TBC1D14: variants seen among roughly 807,000 people sequenced by gnomAD.
TBC1D14 encodes TBC1 domain family member 14.
A neutral mutation model predicts 79.0 loss-of-function variants in TBC1D14; 26 were observed. That is an observed-to-expected ratio of 0.33 (90% CI 0.24 to 0.46). The LOEUF is 0.46. TBC1D14 is among the 20% of genes least tolerant of loss of function. The pLI, the probability that TBC1D14 is intolerant of heterozygous loss-of-function variation, is 1.00. For synonymous variants in TBC1D14, 394 were observed against 349.9 expected (o/e 1.13, Z -1.40); for missense variants, 769 against 887.6 (o/e 0.87, Z 1.70).
At chr4:6,913,723 A>G (rs1577447379) in intron 1 of TBC1D14, among the ~76,000 whole-genome samples, 2 of 152,342 alleles carry the variant, frequency 1.3e-5, no homozygotes, top group East Asian at 3.8e-4. Flanking sequence ...ATATCTTCCT[A>G]ATGTATCATT....
intron 7 of TBC1D14, among the ~76,000 whole-genome samples, chr4:7,003,413 C>T (rs1307802980): frequency 6.6e-6 from 1 of 152,200 alleles, no homozygotes; most frequent in Non-Finnish European, 1.5e-5. Context: ...GTGGAAGTGC[C>T]ACCAGGTGCA....
At chr4:6,972,626 T>A (rs963144371) in intron 3 of TBC1D14, among the ~76,000 whole-genome samples, 1 of 152,208 alleles carries the variant, frequency 6.6e-6, no homozygotes, top group African/African-American at 2.4e-5. Flanking sequence ...TTGTTGAGGC[T>A]TTTAGCAGTC....
At chr4:6,949,607 C>T (rs113530256) in intron 2 of TBC1D14, among the ~76,000 whole-genome samples, 7 of 150,976 alleles carry the variant, frequency 4.6e-5, no homozygotes, top group Non-Finnish European at 8.9e-5. Context: ...CGCTTGAACC[C>T]GCGAGGCAGA....
At chr4:6,996,897 A>T (rs1471191944) in intron 5 of TBC1D14, 1 of 152,382 alleles carries the variant, frequency 6.6e-6, no homozygotes, top group Non-Finnish European at 1.5e-5. Flanking sequence ...CATCAACGAC[A>T]CGTATATTTC....
intron 1 of TBC1D14, among the ~76,000 whole-genome samples, chr4:6,921,443 G>A (rs1723850963): frequency 6.6e-6 from 1 of 152,098 alleles, no homozygotes; most frequent in Admixed American, 6.5e-5. Context: ...CTAGGCCGAA[G>A]CGATCCTCCT....
intron 3 of TBC1D14, chr4:6,987,126 T>TG: frequency 1.8e-6 from 2 of 1,098,070 alleles, no homozygotes; most frequent in Non-Finnish European, 2.2e-6. Context: ...CCCGCCCCCT[T>TG]GGGAGTCTCC....
chr4:7,016,686 C>G (rs1470515418), intron 12 of TBC1D14, among the ~76,000 whole-genome samples: 2 of 152,238 alleles, frequency 1.3e-5, no homozygotes, highest in African/African-American at 4.8e-5. Flanking sequence ...GACCCAGTAC[C>G]TAACCCTGAC....
Position 6,945,928 on chromosome 4 carries a change from T to A in TBC1D14, c.723-21376T>A, listed in dbSNP as rs150795958. Among the ~76,000 whole-genome samples the A allele has an allele frequency of 3.2e-3, 487 of 152,244 alleles. 1 individual carries two copies. Among genetic ancestry groups the A allele is most frequent in the African/African-American group, 0.011 (458 of 41,542 alleles). On this transcript the variant is annotated intron_variant, in intron 2 of 13. Coordinates refer to ENST00000409757, the MANE Select transcript of TBC1D14 (RefSeq NM_020773.3). ...AATATATGCATTCTCCCCTCAGAGA[T>A]TGATTTTCATTGGTTTGGGGTGAAA... is the stretch of plus-strand genomic sequence containing the variant.
At chr4:6,911,223 C>G (rs955551536) in intron 1 of TBC1D14, among the ~76,000 whole-genome samples, 1 of 152,182 alleles carries the variant, frequency 6.6e-6, no homozygotes, top group African/African-American at 2.4e-5. Context: ...ATTGTGGGCT[C>G]CGCAATCCTA....
intron 2 of TBC1D14, among the ~76,000 whole-genome samples, chr4:6,965,422 G>A (rs1009283136): frequency 6.6e-6 from 1 of 152,114 alleles, no homozygotes; most frequent in African/African-American, 2.4e-5. Context: ...TGTATAAATT[G>A]TCTCAGTCTG....
At chr4:6,971,601 G>A (rs1716234413) in intron 3 of TBC1D14, among the ~76,000 whole-genome samples, 1 of 151,128 alleles carries the variant, frequency 6.6e-6, no homozygotes, top group African/African-American at 2.4e-5. Context: ...TTCTTAACAG[G>A]GGAAACAAAA....
chr4:6,912,219 T>C (rs1168681335), intron 1 of TBC1D14, among the ~76,000 whole-genome samples: 1 of 151,898 alleles, frequency 6.6e-6, no homozygotes, highest in Admixed American at 6.6e-5. Flanking sequence ...TGAAACCCTG[T>C]CTATACTAAA....
intron 8 of TBC1D14, 85 bp from the exon 9 acceptor site, chr4:7,006,547 T>C: frequency 7.8e-7 from 1 of 1,281,760 alleles, no homozygotes; most frequent in Non-Finnish European, 1.1e-6. Flanking sequence ...TTTCCGTGTT[T>C]TGTTCTTGTA....
chr4:7,001,405 G>A, intron 7 of TBC1D14, 154 bp downstream of exon 7: 1 of 652,244 alleles, frequency 1.5e-6, no homozygotes, highest in Non-Finnish European at 2.7e-6. Flanking sequence ...AGGGGCAGTT[G>A]GGAGGCCTGG....
At chr4:6,928,494 G>C (rs1322046355) in intron 2 of TBC1D14, among the ~76,000 whole-genome samples, 1 of 152,198 alleles carries the variant, frequency 6.6e-6, no homozygotes, top group African/African-American at 2.4e-5. Context: ...GCGATCGCCA[G>C]TGTGTACTTG....
chr4:7,012,804 T>C (rs1032349929), intron 11 of TBC1D14, among the ~76,000 whole-genome samples: 12 of 152,206 alleles, frequency 7.9e-5, no homozygotes, highest in Admixed American at 7.2e-4. Flanking sequence ...GGTATGACTT[T>C]CATAATCAGG....
At chr4:6,986,383 A>C (rs1717825353) in intron 3 of TBC1D14, among the ~76,000 whole-genome samples, 2 of 152,216 alleles carry the variant, frequency 1.3e-5, no homozygotes, top group Non-Finnish European at 1.5e-5. Context: ...ATTATAGAAG[A>C]AGCTGCACCA....
intron 2 of TBC1D14, among the ~76,000 whole-genome samples, chr4:6,966,888 C>G (rs1202213807): frequency 6.6e-6 from 1 of 152,222 alleles, no homozygotes; most frequent in African/African-American, 2.4e-5. Context: ...CAGCTCACTG[C>G]AAGCTCCGCC....
rs182882910 is a variant in TBC1D14, at chr4:6,949,541, G to A, written c.723-17763G>A. ...CTATTAAAAATACAGAAATTAGCCGGGTGTAGTAGCAGGTGCCTGTAATCC... is the reference window on the plus strand; with the variant it reads ...CTATTAAAAATACAGAAATTAGCCGAGTGTAGTAGCAGGTGCCTGTAATCC... On this transcript the variant is annotated intron_variant, in intron 2 of 13. Coordinates refer to ENST00000409757, the MANE Select transcript of TBC1D14 (RefSeq NM_020773.3). Among the ~76,000 whole-genome samples, 508 of 152,088 alleles carry A rather than the reference G, an allele frequency of 3.3e-3. 7 individuals are homozygous for A. Among genetic ancestry groups the A allele is most frequent in the Admixed American group, 5.7e-3 (87 of 15,260 alleles).
Sources: gnomAD v4.1 joint callset for allele counts (sites outside exome capture counted in the v4.1 genomes callset) on GRCh38, gnomAD v4.1.1 for gene constraint, MANE v1.5 for transcripts, NCBI Gene and HGNC (gene_info 2026-07-23, HGNC 2026-07-21) for gene names.